GNAT1: variants seen among roughly 807,000 people sequenced by gnomAD.
GNAT1 encodes the protein G protein subunit alpha transducin 1, also known as guanine nucleotide-binding protein G(t) subunit alpha-1.
GNAT1 carries 36 observed loss-of-function variants against 40.0 expected under a neutral mutation model. The ratio of observed to expected loss-of-function variants is 0.90; its 90% CI spans 0.69 to 1.19. The LOEUF is 1.19. Among genes scored for constraint, GNAT1 ranks in the 50% most tolerant of loss-of-function variants. The pLI is 0.00. For synonymous variants in GNAT1, 195 were observed against 192.9 expected, an observed-to-expected ratio of 1.01 and a Z score of -0.09; for missense variants, 413 against 480.6, an observed-to-expected ratio of 0.86 and a Z score of 1.32.
Position 50,194,534 on chromosome 3 carries a change from A to G in GNAT1, c.742A>G (p.Ser248Gly). 2 of 1,613,620 alleles carry G rather than the reference A, an allele frequency of 1.2e-6. No homozygotes were observed. The highest frequency in any genetic ancestry group is 2.2e-5 in the South Asian group (2 of 91,076). The change falls in exon 7 of 9, where the codon AGC becomes GGC. Residue 248 changes from serine (S) to glycine (G), a missense_variant. By Grantham distance (56) the Ser-to-Gly change is moderately conservative. Coordinates refer to ENST00000232461, the MANE Select transcript of GNAT1 (RefSeq NM_144499.3). This position sits in a 1 kb window ranked among gnomAD's most constrained non-coding sequence, Gnocchi z 6.1. ...GCACGAGAGCCTGCACCTGTTCAAC[A>G]GCATCTGCAACCACCGCTACTTCGC... ...RMHESLHLFN[S>G]ICNHRYFATT...
At chr3:50,195,172 C>A in intron 8 of GNAT1, 96 bp from the exon 9 acceptor site, 1 of 601,736 alleles carries the variant, frequency 1.7e-6, no homozygotes, top group Non-Finnish European at 3.0e-6. Context: ...CCCAAGACCT[C>A]AGGTGTCACA....
chr3:50,192,790 T>A (rs930498117), intron 1 of GNAT1: 1 of 472,808 alleles, frequency 2.1e-6, no homozygotes, highest in South Asian at 2.2e-5. Flanking sequence ...TCCCACGAGG[T>A]GGCGATGACG....
rs1263713078 is a variant in GNAT1, at chr3:50,194,395, T to C, written c.709-106T>C. On this transcript the variant is annotated intron_variant, in intron 6 of 8. Coordinates refer to ENST00000232461, the MANE Select transcript of GNAT1 (RefSeq NM_144499.3). The surrounding 1 kb of genome is among the most constrained non-coding windows in gnomAD (Gnocchi z 6.1). Reference sequence around the variant, plus strand: ...CCATCTGGGGCAGTGCGGGGAGCCCTCTGAGAGCCAGCTGAGCGGGAAGCC... The same window carrying C: ...CCATCTGGGGCAGTGCGGGGAGCCCCCTGAGAGCCAGCTGAGCGGGAAGCC... 1.3e-5 allele frequency: 19 copies of C among 1,425,068 alleles called. No homozygotes were observed. The Admixed American group carries it at 3.4e-4, about 26-fold the overall frequency. 88.3% of individuals were successfully genotyped at this position (1,425,068 alleles called of 1,614,324 possible).
chr3:50,192,869 C>A, intron 1 of GNAT1: 1 of 591,908 alleles, frequency 1.7e-6, no homozygotes, highest in South Asian at 2.0e-5. Flanking sequence ...TTGGGGACTC[C>A]CCTGTCCCAG....
At chr3:50,191,957 G>T (rs1699417697) in intron 1 of GNAT1, 126 bp downstream of exon 1, 1 of 693,758 alleles carries the variant, frequency 1.4e-6, no homozygotes, top group African/African-American at 1.8e-5. Flanking sequence ...GTAGGGCACA[G>T]GGTGGGAGCC....
rs753761683 is a variant in GNAT1, at chr3:50,191,775, AG to A, written c.51del (p.Lys18SerfsTer2). ...GAGAAGCACTCCAGGGAGCTGGAAA[AG>A]AAGCTGAAAGAGGACGCTGAGAAGG... ...AEEKHSRELEKKLKEDAEKDA... is the reference protein window; with the variant it reads ...AEEKHSRELEXKLKEDAEKDA... On this transcript the variant is annotated frameshift_variant, in exon 1 of 9. Coordinates refer to ENST00000232461, the MANE Select transcript of GNAT1 (RefSeq NM_144499.3). LOFTEE classifies it high-confidence loss of function. 5.6e-6 allele frequency: 9 copies of A among 1,613,924 alleles called. No homozygotes were observed. In the African/African-American group the frequency reaches 1.1e-4, roughly 19 times the overall value.
At chr3:50,195,015 A>T in intron 8 of GNAT1, 59 bp downstream of exon 8, 2 of 1,175,278 alleles carry the variant, frequency 1.7e-6, no homozygotes, top group Non-Finnish European at 2.4e-6. Context: ...CCAGCTCCCC[A>T]CCCCACACCA....
rs760372454 is a variant in GNAT1 at position 50,194,075 on chromosome 3, C to T, written c.579-17C>T. 1.2e-6 allele frequency: 2 copies of T among 1,612,224 alleles called. No individual in the cohort carries two copies. The highest frequency in any genetic ancestry group is 8.5e-7 in the Non-Finnish European group (1 of 1,179,086). On this transcript the variant is annotated splice_polypyrimidine_tract_variant and intron_variant, in intron 5 of 8. Transcript: ENST00000232461. The surrounding 1 kb of genome is among the most constrained non-coding windows in gnomAD (Gnocchi z 6.1). Reference sequence around the variant, plus strand: ...GTGGGGCCCGGGGCGCAGGTTCAGGCCCCCGCGGCCCCGCAGGATGTTCGA... The same window carrying T: ...GTGGGGCCCGGGGCGCAGGTTCAGGTCCCCGCGGCCCCGCAGGATGTTCGA...
At position 50,194,800 on chromosome 3, in the gene GNAT1, A is replaced by G. The variant is rs756905728; in HGVS notation, c.898A>G (p.Lys300Glu). 1.2e-6 allele frequency: 2 copies of G among 1,613,780 alleles called. No homozygotes were observed. Among genetic ancestry groups the G allele is most frequent in the South Asian group, 2.2e-5 (2 of 91,074 alleles). ...NTYEDAGNYIKVQFLELNMRR... is the reference protein window; with the variant it reads ...NTYEDAGNYIEVQFLELNMRR... ...CTACGAGGACGCCGGCAACTACATC[A>G]AGGTGCAGTTCCTCGAGCTCAACAT... Residue 300 changes from lysine to glutamate, a missense_variant, in exon 8 of 9, where the codon AAG (lysine) becomes GAG (glutamate). Coordinates refer to ENST00000232461, the MANE Select transcript of GNAT1 (RefSeq NM_144499.3). The surrounding 1 kb of genome is among the most constrained non-coding windows in gnomAD (Gnocchi z 6.1).
intron 1 of GNAT1, among the ~76,000 whole-genome samples, chr3:50,192,340 T>C (rs920465126): frequency 2.0e-5 from 3 of 151,994 alleles, no homozygotes; most frequent in Admixed American, 1.3e-4. Context: ...CTGATAGACC[T>C]ACAAAGCAGC....
chr3:50,195,608 GCTC>G lies in GNAT1; in HGVS notation c.*343_*345del. ...GTGCCCAACTGACCAATCTCCCGCAGCTCTCCTGCCCCTGGGGGCCCACGACTC... is the reference window on the plus strand; with the variant it reads ...GTGCCCAACTGACCAATCTCCCGCAGTCCTGCCCCTGGGGGCCCACGACTC... On this transcript the variant is annotated 3_prime_UTR_variant, in exon 9 of 9. Transcript: ENST00000232461. 1 of 156,438 alleles carries G rather than the reference GCTC, an allele frequency of 6.4e-6. No homozygotes were observed. The highest frequency in any genetic ancestry group is 1.4e-5 in the Non-Finnish European group (1 of 70,292). The allele number at this position is 156,438 out of a possible 1,614,324, so 9.7% of individuals were successfully genotyped here.
In GNAT1 at chr3:50,193,401, C is replaced by A. The variant is rs1418453394; in HGVS notation, c.286C>A (p.Arg96Ser). 4 of 1,613,876 alleles carry A rather than the reference C, an allele frequency of 2.5e-6. No individual in the cohort carries two copies. The African/African-American group carries it at 5.3e-5, about 22-fold the overall frequency. Residue 96 changes from arginine (R) to serine (S), a missense_variant, in exon 3 of 9, where the codon CGC becomes AGC. Arg to Ser is a moderately radical substitution (Grantham distance 110, BLOSUM62 -1). Transcript: ENST00000232461. The surrounding 1 kb of genome is among the most constrained non-coding windows in gnomAD (Gnocchi z 8.1). The stretch of plus-strand genomic sequence containing the variant: ...CAACATCCAGTACGGAGACTCTGCA[C>A]GCCAGGTGTGCCAGGAGGCGGGCTG... ...TLNIQYGDSA[R>S]QDDARKLMHM...
Position 50,194,233 on chromosome 3 carries a change from G to A in GNAT1, c.708+12G>A, listed in dbSNP as rs757409347. 2 of 1,599,718 alleles carry A rather than the reference G, an allele frequency of 1.3e-6. No individual in the cohort carries two copies. Among genetic ancestry groups the A allele is most frequent in the South Asian group, 1.1e-5 (1 of 89,456 alleles). ...AGGACGACGAAGTGGTGCGTGCCAG[G>A]CAGGGCCTGTGTTCCAGGGGGGCGA... On this transcript the variant is annotated intron_variant, in intron 6 of 8. Coordinates refer to ENST00000232461, the MANE Select transcript of GNAT1 (RefSeq NM_144499.3). The surrounding 1 kb of genome is among the most constrained non-coding windows in gnomAD (Gnocchi z 6.1).
At position 50,193,669 on chromosome 3, in the gene GNAT1, C is replaced by T. The variant is rs1239518621; in HGVS notation, c.449+6C>T. ...CTCAACGACTCGGCGGGCTAGTGAG[C>T]GCGCGGGCAGCGCGGGGCGCGGGGC... On this transcript the variant is annotated splice_donor_region_variant and intron_variant, in intron 4 of 8. Coordinates refer to ENST00000232461, the MANE Select transcript of GNAT1 (RefSeq NM_144499.3). This position sits in a 1 kb window ranked among gnomAD's most constrained non-coding sequence, Gnocchi z 8.1. 4 of 1,610,564 alleles carry T rather than the reference C, an allele frequency of 2.5e-6. No individual in the cohort carries two copies. The highest frequency in any genetic ancestry group is 1.7e-4 in the Middle Eastern group (1 of 6,030).
At position 50,197,645 on chromosome 3, in the gene GNAT1, C is replaced by A. The variant is rs918035912; in HGVS notation, c.*2379C>A. ...TCTATTGATGAATGGTTACATCTGC[C>A]TTTTGGCTATTGTGAATAATGCTGC... On this transcript the variant is annotated 3_prime_UTR_variant, in exon 9 of 9. Coordinates refer to ENST00000232461, the MANE Select transcript of GNAT1 (RefSeq NM_144499.3). Among the ~76,000 whole-genome samples the A allele has an allele frequency of 6.6e-6, 1 of 152,048 alleles. No individual in the cohort carries two copies. Among genetic ancestry groups the A allele is most frequent in the Non-Finnish European group, 1.5e-5 (1 of 68,014 alleles).
chr3:50,195,043 C>A, intron 8 of GNAT1, 87 bp downstream of exon 8: 2 of 1,000,470 alleles, frequency 2.0e-6, no homozygotes, highest in Non-Finnish European at 3.0e-6. Flanking sequence ...GGAGCCTCAC[C>A]CCCAAATCCT....
chr3:50,192,748 T>G (rs907197663), intron 1 of GNAT1: 4 of 403,690 alleles, frequency 9.9e-6, no homozygotes, highest in Admixed American at 3.8e-5. Context: ...TTTACCCGCC[T>G]CAAATAACCC....
rs201849628 is a variant in GNAT1 at position 50,193,356 on chromosome 3, G to C, written c.241G>C (p.Val81Leu). 53 of 1,614,088 alleles carry C rather than the reference G, an allele frequency of 3.3e-5. No individual in the cohort carries two copies. Among genetic ancestry groups the C allele is most frequent in the Non-Finnish European group, 4.4e-5 (52 of 1,179,996 alleles). ...GNTLQSILAI[V>L]RAMTTLNIQY... ...CACGTTGCAGTCCATCCTGGCCATC[G>C]TACGCGCCATGACCACACTCAACAT... is the stretch of plus-strand genomic sequence containing the variant. The change falls in exon 3 of 9, where the codon GTA (valine) becomes CTA (leucine). Residue 81 changes from valine (V) to leucine (L), a missense_variant. Transcript: ENST00000232461. This position sits in a 1 kb window ranked among gnomAD's most constrained non-coding sequence, Gnocchi z 8.1.
chr3:50,194,446 AG>A lies in GNAT1; in HGVS notation c.709-53del. On this transcript the variant is annotated intron_variant, in intron 6 of 8. Transcript: ENST00000232461. The surrounding 1 kb of genome is among the most constrained non-coding windows in gnomAD (Gnocchi z 6.1). ...CCGCGTGCCCGGGAGCCCAGAGAGC[AG>A]GTGCTGCGGGTCGGACGCTACCCCG... The A allele has an allele frequency of 6.3e-7, 1 of 1,591,318 alleles. No individual in the cohort carries two copies. The highest frequency in any genetic ancestry group is 2.2e-5 in the East Asian group (1 of 44,528).
Sources: allele counts gnomAD v4.1 joint callset (sites outside exome capture counted in the v4.1 genomes callset), GRCh38; gene constraint gnomAD v4.1.1; non-coding constraint Gnocchi (gnomAD v3.1); transcripts MANE v1.5; gene names NCBI Gene and HGNC (gene_info 2026-07-23, HGNC 2026-07-21).